Variants in SUCLG2 observed in about 807,000 individuals in gnomAD.
The protein encoded by SUCLG2 is succinate-CoA ligase GDP-forming subunit beta, also known as succinate--CoA ligase [GDP-forming] subunit beta, mitochondrial.
In SUCLG2, 42 loss-of-function variants were observed where a neutral mutation model predicts 47.9. The ratio of observed to expected loss-of-function variants is 0.88; its 90% CI spans 0.69 to 1.14. The LOEUF (loss-of-function observed/expected upper bound fraction) is 1.14, where lower values mean the gene tolerates loss of function less well. Among genes scored for constraint, SUCLG2 ranks in the 50% most tolerant of loss-of-function variants. The pLI, the probability that SUCLG2 is intolerant of heterozygous loss-of-function variation, is 0.00. For synonymous variants in SUCLG2, 195 were observed against 197.3 expected (o/e 0.99, Z 0.10); for missense variants, 571 against 525.9 (o/e 1.09, Z -0.84).
At chr3:67,582,716 A>G (rs1707912226) in intron 2 of SUCLG2, among the ~76,000 whole-genome samples, 1 of 152,148 alleles carries the variant, frequency 6.6e-6, no homozygotes, top group African/African-American at 2.4e-5. Context: ...AGGCTGAACT[A>G]ATCTACATTC....
intron 9 of SUCLG2, among the ~76,000 whole-genome samples, chr3:67,475,086 G>A (rs1200438593): frequency 6.6e-6 from 1 of 151,856 alleles, no homozygotes; most frequent in Non-Finnish European, 1.5e-5. Context: ...CATATCTTTT[G>A]TATTAGTGTC....
intron 2 of SUCLG2, among the ~76,000 whole-genome samples, chr3:67,533,403 G>C (rs1284708469): frequency 2.0e-5 from 3 of 152,164 alleles, no homozygotes; most frequent in African/African-American, 7.2e-5. Context: ...GTGGTTCACT[G>C]ACTGGAGCAA....
At chr3:67,481,647 A>G (rs752326769) in intron 9 of SUCLG2, among the ~76,000 whole-genome samples, 2 of 152,212 alleles carry the variant, frequency 1.3e-5, no homozygotes, top group African/African-American at 2.4e-5. Context: ...AAACCTAGAG[A>G]CTGGTATGTG....
intron 10 of SUCLG2, among the ~76,000 whole-genome samples, chr3:67,388,964 T>C (rs892249749): frequency 6.6e-6 from 1 of 151,816 alleles, no homozygotes; most frequent in African/African-American, 2.4e-5. Context: ...TGAGAGTTGG[T>C]ATTGGGGTCG....
intron 6 of SUCLG2, among the ~76,000 whole-genome samples, chr3:67,511,274 T>A (rs1202494778): frequency 6.6e-6 from 1 of 152,212 alleles, no homozygotes; most frequent in Non-Finnish European, 1.5e-5. Flanking sequence ...TTCACAATCA[T>A]TAGCCATTTG....
At chr3:67,371,027 A>C (rs1055974927), downstream of SUCLG2, among the ~76,000 whole-genome samples, 2 of 152,156 alleles carry the variant, frequency 1.3e-5, no homozygotes, top group Admixed American at 6.5e-5. Context: ...TTGAAAAAAA[A>C]CTCCAAATTG....
chr3:67,522,557 G>A (rs1391540539), intron 4 of SUCLG2, among the ~76,000 whole-genome samples: 1 of 151,456 alleles, frequency 6.6e-6, no homozygotes, highest in East Asian at 1.9e-4. Flanking sequence ...CACCTAACAA[G>A]AACAGTGAAA....
At chr3:67,555,134 G>A (rs1296618016) in intron 2 of SUCLG2, among the ~76,000 whole-genome samples, 6 of 152,164 alleles carry the variant, frequency 3.9e-5, no homozygotes, top group African/African-American at 9.7e-5. Flanking sequence ...ATAATATATA[G>A]AGGATGAGAG....
chr3:67,637,176 GC>G (rs1228092836), intron 1 of SUCLG2, among the ~76,000 whole-genome samples: 5 of 152,068 alleles, frequency 3.3e-5, no homozygotes, highest in Non-Finnish European at 7.4e-5. Context: ...TCTTCAATAT[GC>G]CCAGATGATG....
chr3:67,562,969 A>G (rs1253788066), intron 2 of SUCLG2, among the ~76,000 whole-genome samples: 2 of 151,788 alleles, frequency 1.3e-5, no homozygotes, highest in Non-Finnish European at 1.5e-5. Flanking sequence ...TATAATTTAC[A>G]CATTTTTCAT....
intron 9 of SUCLG2, among the ~76,000 whole-genome samples, chr3:67,490,907 T>A (rs1266631183): frequency 6.6e-6 from 1 of 152,094 alleles, no homozygotes; most frequent in Non-Finnish European, 1.5e-5. Flanking sequence ...ATGACTAAAA[T>A]TGAAAAGACT....
chr3:67,402,496 T>G lies in SUCLG2; in HGVS notation c.1063-1645A>C, dbSNP rs1004464148. 7.9e-5 allele frequency among the ~76,000 whole-genome samples: 12 copies of G among 152,232 alleles called. No individual in the cohort carries two copies. The East Asian group carries it at 9.6e-4, about 12-fold the overall frequency. ...AGAAATCTCCCATTACTATTCACAG[T>G]AGGACAACTGGTAAGCAGAAGCTTG... On this transcript the variant is annotated intron_variant, in intron 9 of 10. Coordinates refer to ENST00000307227, the MANE Select transcript of SUCLG2 (RefSeq NM_003848.4).
chr3:67,452,175 C>G (rs987885456), intron 9 of SUCLG2, among the ~76,000 whole-genome samples: 1 of 152,322 alleles, frequency 6.6e-6, no homozygotes, highest in Non-Finnish European at 1.5e-5. Context: ...TCTAAAATAT[C>G]TAAGTTCCAG....
intron 9 of SUCLG2, among the ~76,000 whole-genome samples, chr3:67,470,859 C>G (rs995349465): frequency 3.9e-4 from 59 of 152,242 alleles, no homozygotes; most frequent in African/African-American, 1.4e-3. Flanking sequence ...AGAAAGATAC[C>G]CACTGCCATC....
rs545940580 is a variant in SUCLG2, at chr3:67,374,778, T to G, written c.*966A>C. The stretch of plus-strand genomic sequence containing the variant: ...GTATAGATAAAAATCTACCAAAATT[T>G]AAACAAAAATTTTATCCAAATCCTT... On this transcript the variant is annotated 3_prime_UTR_variant, in exon 11 of 11. Coordinates refer to ENST00000307227, the MANE Select transcript of SUCLG2 (RefSeq NM_003848.4). 1.0e-6 allele frequency: 1 copy of G among 976,492 alleles called. No homozygotes were observed. Among genetic ancestry groups the G allele is most frequent in the East Asian group, 1.1e-4 (1 of 8,732 alleles). The allele number at this position is 976,492 out of a possible 1,614,324, so 60.5% of individuals were successfully genotyped here.
chr3:67,513,195 T>A, intron 6 of SUCLG2, among the ~76,000 whole-genome samples: 1 of 152,158 alleles, frequency 6.6e-6, no homozygotes, highest in East Asian at 1.9e-4. Flanking sequence ...TTTTACAAGG[T>A]TCAGTAAAGT....
At chr3:67,396,342 C>G (rs1268967642) in intron 10 of SUCLG2, among the ~76,000 whole-genome samples, 1 of 152,028 alleles carries the variant, frequency 6.6e-6, no homozygotes, top group African/African-American at 2.4e-5. Context: ...AGGGGGATAT[C>G]ACCACCGATC....
intron 9 of SUCLG2, among the ~76,000 whole-genome samples, chr3:67,406,570 A>C (rs1226734540): frequency 6.6e-6 from 1 of 152,126 alleles, no homozygotes; most frequent in African/African-American, 2.4e-5. Context: ...ATCTTAAGAC[A>C]ACAGAATACC....
intron 1 of SUCLG2, among the ~76,000 whole-genome samples, chr3:67,612,292 G>A (rs918055006): frequency 3.9e-5 from 6 of 151,968 alleles, no homozygotes; most frequent in Non-Finnish European, 7.4e-5. Context: ...CTGGAAGGCT[G>A]AGGCTGCAGT....
Sources: gnomAD v4.1 joint callset for allele counts (sites outside exome capture counted in the v4.1 genomes callset) on GRCh38, gnomAD v4.1.1 for gene constraint, MANE v1.5 for transcripts, NCBI Gene and HGNC (gene_info 2026-07-23, HGNC 2026-07-21) for gene names.